Variants in MRPL3 observed in about 807,000 individuals in gnomAD.
The protein encoded by MRPL3 is large ribosomal subunit protein uL3m.
In MRPL3, 43 loss-of-function variants were observed where a neutral mutation model predicts 44.3. The observed-to-expected ratio is 0.97, with a 90% CI of 0.76 to 1.25. The LOEUF (loss-of-function observed/expected upper bound fraction) is 1.25. MRPL3 is among the 50% of genes most tolerant of loss of function. The probability of loss-of-function intolerance (pLI) is 0.00; values close to 1 mark genes in which losing one functional copy is unlikely to be tolerated. For missense variants in MRPL3, 406 were observed against 427.6 expected, an observed-to-expected ratio of 0.95 and a Z score of 0.45; for synonymous variants, 171 against 152.3, an observed-to-expected ratio of 1.12 and a Z score of -0.91.
intron 2 of MRPL3, among the ~76,000 whole-genome samples, chr3:131,500,735 T>C (rs998760703): frequency 2.0e-5 from 3 of 152,244 alleles, no homozygotes; most frequent in Admixed American, 1.3e-4. Context: ...TAAATATTTG[T>C]AAAATGAACA....
intron 4 of MRPL3, among the ~76,000 whole-genome samples, chr3:131,491,164 A>C (rs1174512846): frequency 1.3e-5 from 2 of 152,162 alleles, no homozygotes; most frequent in Non-Finnish European, 2.9e-5. Flanking sequence ...AGACTTGCCA[A>C]GTCTACTTTC....
chr3:131,472,574 G>C (rs1479910191), intron 6 of MRPL3, among the ~76,000 whole-genome samples: 1 of 152,104 alleles, frequency 6.6e-6, no homozygotes, highest in Non-Finnish European at 1.5e-5. Flanking sequence ...TCAACACAGT[G>C]CTAGAAGTCT....
intron 6 of MRPL3, among the ~76,000 whole-genome samples, chr3:131,483,248 A>G (rs543376705): frequency 3.9e-5 from 6 of 152,254 alleles, no homozygotes; most frequent in African/African-American, 1.2e-4. Flanking sequence ...AAATGTACCC[A>G]GGGTAGGGGC....
chr3:131,472,899 T>C (rs908512061), intron 6 of MRPL3, among the ~76,000 whole-genome samples: 8 of 152,032 alleles, frequency 5.3e-5, no homozygotes, highest in Non-Finnish European at 1.0e-4. Context: ...GATAAAACAT[T>C]GATGAAAGAA....
chr3:131,471,135 T>C (rs1281782637), intron 7 of MRPL3, 36 bp downstream of exon 7: 3 of 1,402,752 alleles, frequency 2.1e-6, no homozygotes. Context: ...AAGTTGAATA[T>C]TTAGCATTAA....
intron 2 of MRPL3, 80 bp from the exon 3 acceptor site, chr3:131,500,601 C>A (rs1197117854): frequency 5.8e-6 from 7 of 1,207,312 alleles, no homozygotes; most frequent in Non-Finnish European, 8.5e-6. Context: ...TTCCTAAAAT[C>A]AGGTTTCCGT....
chr3:131,482,779 C>G (rs1013033793), intron 6 of MRPL3, among the ~76,000 whole-genome samples: 1 of 151,094 alleles, frequency 6.6e-6, no homozygotes, highest in Non-Finnish European at 1.5e-5. Context: ...TTACAGATAA[C>G]CAGAAGGAAA....
At chr3:131,491,928 T>C (rs900238417) in intron 4 of MRPL3, among the ~76,000 whole-genome samples, 31 of 152,070 alleles carry the variant, frequency 2.0e-4, no homozygotes, top group African/African-American at 7.5e-4. Flanking sequence ...CTTACCATGG[T>C]TTAAAATGTT....
chr3:131,469,003 T>C (rs2110695224), intron 8 of MRPL3, among the ~76,000 whole-genome samples: 1 of 152,224 alleles, frequency 6.6e-6, no homozygotes, highest in Non-Finnish European at 1.5e-5. Context: ...TGCAAACAAA[T>C]ATAAACATTA....
chr3:131,498,321 A>T, intron 3 of MRPL3, 44 bp from the exon 4 acceptor site: 2 of 1,280,496 alleles, frequency 1.6e-6, no homozygotes, highest in East Asian at 4.6e-5. Context: ...GCCAATATAT[A>T]TTTTAACATT....
Position 131,498,206 on chromosome 3 carries a change from T to C in MRPL3, c.441A>G (p.Val147=). 6.2e-7 allele frequency: 1 copy of C among 1,610,646 alleles called. No homozygotes were observed. The highest frequency in any genetic ancestry group is 1.1e-5 in the South Asian group (1 of 90,984). ...GAAAACGTGATACAGTTTTTCCTCCTACAGACAGGGTTGCCATTTTTCCAT... is the reference window on the plus strand; with the variant it reads ...GAAAACGTGATACAGTTTTTCCTCCCACAGACAGGGTTGCCATTTTTCCAT... The part of the protein sequence containing the change: ...NCNGKMATLS[V]GGKTVSRFRK... Residue 147 remains valine (V), a synonymous_variant, in exon 4 of 10, where the codon GTA becomes GTG. Coordinates refer to ENST00000264995, the MANE Select transcript of MRPL3 (RefSeq NM_007208.4).
intron 6 of MRPL3, 96 bp from the exon 7 acceptor site, chr3:131,471,375 G>C: frequency 1.2e-6 from 1 of 809,614 alleles, no homozygotes; most frequent in Non-Finnish European, 2.1e-6. Context: ...ATTCTTGTTA[G>C]AGTTTTAACA....
At chr3:131,469,620 GA>G (rs1933698942) in intron 8 of MRPL3, 75 bp downstream of exon 8, 1 of 1,023,886 alleles carries the variant, frequency 9.8e-7, no homozygotes, top group Non-Finnish European at 1.5e-6. Flanking sequence ...TACAGACACA[GA>G]TTAAATACAT....
At chr3:131,473,104 A>G (rs1933775562) in intron 6 of MRPL3, among the ~76,000 whole-genome samples, 1 of 152,206 alleles carries the variant, frequency 6.6e-6, no homozygotes, top group Non-Finnish European at 1.5e-5. Flanking sequence ...GAATAGCCAA[A>G]GCAATCCTGA....
intron 4 of MRPL3, among the ~76,000 whole-genome samples, chr3:131,493,811 G>GT (rs1451042585): frequency 6.6e-6 from 1 of 152,160 alleles, no homozygotes; most frequent in East Asian, 1.9e-4. Flanking sequence ...AATAGTAATT[G>GT]TAATTTTCAA....
At chr3:131,464,809 T>C (rs1231645958) in intron 9 of MRPL3, among the ~76,000 whole-genome samples, 3 of 152,182 alleles carry the variant, frequency 2.0e-5, no homozygotes, top group Admixed American at 1.3e-4. Flanking sequence ...AAAAAAGTTA[T>C]TGGTAACCCT....
Position 131,469,722 on chromosome 3 carries a change from T to C in MRPL3, c.790A>G (p.Ile264Val), listed in dbSNP as rs776018395. Reference protein sequence around the residue: ...GTKMPGKMGNIYRTEYGLKVW... With the variant: ...GTKMPGKMGNVYRTEYGLKVW... ...TTCAGTCCATATTCTGTCCTGTATA[T>C]GTTTCCCATTTTTCCAGGCATTTTA... The change falls in exon 8 of 10, where the codon ATA becomes GTA. Residue 264 changes from isoleucine to valine, a missense_variant. Transcript: ENST00000264995. The C allele has an allele frequency of 6.2e-7, 1 of 1,612,270 alleles. No homozygotes were observed. The highest frequency in any genetic ancestry group is 8.5e-7 in the Non-Finnish European group (1 of 1,178,982).
At position 131,469,729 on chromosome 3, in the gene MRPL3, C is replaced by T. The variant is rs188016343; in HGVS notation, c.783G>A (p.Met261Ile). ...CATATTCTGTCCTGTATATGTTTCC[C>T]ATTTTTCCAGGCATTTTAGTTCCAG... ...VWPGTKMPGK[M>I]GNIYRTEYGL... The change falls in exon 8 of 10, where the codon ATG becomes ATA. Residue 261 changes from methionine (M) to isoleucine (I), a missense_variant. Transcript: ENST00000264995. 27 of 1,612,284 alleles carry T rather than the reference C, an allele frequency of 1.7e-5. No individual in the cohort carries two copies. The East Asian group carries it at 3.6e-4, about 21-fold the overall frequency.
intron 4 of MRPL3, chr3:131,497,914 G>A (rs1934403325): frequency 2.6e-6 from 1 of 388,000 alleles, no homozygotes; most frequent in Admixed American, 4.6e-5. Context: ...TAGTATTTTT[G>A]TTCCCATTGT....
Sources: allele counts gnomAD v4.1 joint callset (sites outside exome capture counted in the v4.1 genomes callset), GRCh38; gene constraint gnomAD v4.1.1; transcripts MANE v1.5; gene names NCBI Gene and HGNC (gene_info 2026-07-23, HGNC 2026-07-21).